LRRC37A3: variants seen among roughly 807,000 people sequenced by gnomAD.
LRRC37A3 encodes the protein leucine rich repeat containing 37 member A3, also known as leucine-rich repeat-containing protein 37A3.
LRRC37A3 carries 25 observed loss-of-function variants against 106.2 expected under a neutral mutation model. The observed-to-expected ratio is 0.24, with a 90% CI of 0.17 to 0.33. The LOEUF (loss-of-function observed/expected upper bound fraction) is 0.33, where lower values mean the gene tolerates loss of function less well. LRRC37A3 is among the 10% of genes least tolerant of loss of function. The pLI, the probability that LRRC37A3 is intolerant of heterozygous loss-of-function variation, is 1.00. For missense variants in LRRC37A3, 712 were observed against 1,644.9 expected (o/e 0.43, Z 9.81); for synonymous variants, 305 against 635.8 (o/e 0.48, Z 7.83).
rs1974765133 is a variant in LRRC37A3, at chr17:64,918,911, C to T, written c.-616-41G>A. On this transcript the variant is annotated intron_variant, in intron 1 of 14. Transcript: ENST00000584306. ...AATTAGCTGGGTGTGGCAGCGAGCACCTGTAGTGACTACACCACTTTGTTG... is the reference window on the plus strand; with the variant it reads ...AATTAGCTGGGTGTGGCAGCGAGCATCTGTAGTGACTACACCACTTTGTTG... 4.4e-6 allele frequency: 3 copies of T among 677,288 alleles called. No individual in the cohort carries two copies. In the South Asian group the frequency reaches 1.2e-4, roughly 28 times the overall value. 42.0% of individuals were successfully genotyped at this position (677,288 alleles called of 1,614,324 possible). A position where few individuals can be genotyped will look rare whatever the true frequency, so the allele number is the denominator to read the frequency against.
At chr17:64,909,804 T>C (rs1598436335) in intron 2 of LRRC37A3, 1 of 152,184 alleles carries the variant, frequency 6.6e-6, no homozygotes, top group Non-Finnish European at 1.5e-5. Context: ...GTGGTCTGCA[T>C]GAATTCTGAA....
At chr17:64,914,582 A>G (rs1449483035) in intron 2 of LRRC37A3, among the ~76,000 whole-genome samples, 1 of 151,872 alleles carries the variant, frequency 6.6e-6, no homozygotes, top group Non-Finnish European at 1.5e-5. Flanking sequence ...AAAAACAAAA[A>G]AACGCATAAA....
intron 2 of LRRC37A3, among the ~76,000 whole-genome samples, chr17:64,910,726 C>A (rs1419994673): frequency 7.1e-6 from 1 of 141,204 alleles, no homozygotes; most frequent in Admixed American, 7.3e-5. Flanking sequence ...CTCCCTGCAA[C>A]CTCCACCTCC....
chr17:64,880,906 C>T (rs1277610687), intron 8 of LRRC37A3, among the ~76,000 whole-genome samples: 1 of 151,774 alleles, frequency 6.6e-6, no homozygotes, highest in Non-Finnish European at 1.5e-5. Flanking sequence ...TCTAACAGCT[C>T]TAGCTGAAAA....
intron 11 of LRRC37A3, among the ~76,000 whole-genome samples, chr17:64,862,387 G>C (rs1185536202): frequency 6.6e-6 from 1 of 151,876 alleles, no homozygotes; most frequent in East Asian, 1.9e-4. Context: ...CATTAGAAGA[G>C]CCAGGTAGCA....
At chr17:64,856,563 A>G (rs1972684751) in intron 13 of LRRC37A3, among the ~76,000 whole-genome samples, 1 of 151,328 alleles carries the variant, frequency 6.6e-6, no homozygotes, top group Admixed American at 6.6e-5. Flanking sequence ...TTCTGTTTGT[A>G]TTTTTATTGT....
intron 8 of LRRC37A3, among the ~76,000 whole-genome samples, chr17:64,875,578 C>T (rs1461920133): frequency 1.3e-5 from 2 of 152,036 alleles, no homozygotes; most frequent in African/African-American, 4.8e-5. Flanking sequence ...CACTTGAGGT[C>T]AAGAGGTTGA....
chr17:64,876,118 C>T (rs1482784452), intron 8 of LRRC37A3, among the ~76,000 whole-genome samples: 1 of 152,190 alleles, frequency 6.6e-6, no homozygotes, highest in Non-Finnish European at 1.5e-5. Context: ...AATCCTCCTT[C>T]CTTGGCCTCC....
At chr17:64,867,951 G>A (rs923663911) in intron 10 of LRRC37A3, among the ~76,000 whole-genome samples, 3 of 152,192 alleles carry the variant, frequency 2.0e-5, no homozygotes, top group Non-Finnish European at 4.4e-5. Context: ...GCATGTGCCT[G>A]TAATCCCAGC....
chr17:64,875,045 T>C (rs903540609), intron 8 of LRRC37A3, among the ~76,000 whole-genome samples: 9 of 151,808 alleles, frequency 5.9e-5, no homozygotes, highest in African/African-American at 2.2e-4. Flanking sequence ...TATTGTCCTA[T>C]GACCCTGCCA....
At chr17:64,899,780 G>A (rs1470177430) in intron 2 of LRRC37A3, 3 of 149,338 alleles carry the variant, frequency 2.0e-5, no homozygotes, top group African/African-American at 5.2e-5. Flanking sequence ...CTGGAGCGGG[G>A]GGAGACTAAC....
chr17:64,865,606 G>T (rs980697081), intron 10 of LRRC37A3, among the ~76,000 whole-genome samples: 1 of 152,134 alleles, frequency 6.6e-6, no homozygotes, highest in Admixed American at 6.5e-5. Context: ...TTCCGTGTGT[G>T]TATGTCTATA....
chr17:64,868,363 T>C (rs1297903268), intron 10 of LRRC37A3, 99 bp downstream of exon 10: 4 of 1,025,344 alleles, frequency 3.9e-6, no homozygotes, highest in African/African-American at 1.6e-5. Flanking sequence ...AATGTTACTA[T>C]ATGAAAATTA....
At chr17:64,866,615 TATATATATATATA>T (rs1286276104) in intron 10 of LRRC37A3, among the ~76,000 whole-genome samples, 92 of 23,998 alleles carry the variant, frequency 3.8e-3, no homozygotes, top group African/African-American at 0.017. Context: ...TATATATATA[TATATATATATATA>T]TTTTTTTTTT....
chr17:64,862,735 T>C (rs1972917972), intron 11 of LRRC37A3, among the ~76,000 whole-genome samples, 165 bp downstream of exon 11: 1 of 152,328 alleles, frequency 6.6e-6, no homozygotes, highest in East Asian at 1.9e-4. Context: ...AGAACCTGAC[T>C]CTCAGCAAGG....
intron 2 of LRRC37A3, among the ~76,000 whole-genome samples, chr17:64,906,481 AAAGTT>A (rs1437607486): frequency 1.3e-5 from 1 of 78,764 alleles, no homozygotes; most frequent in Non-Finnish European, 2.3e-5. Context: ...TAAGAATAGT[AAAGTT>A]AATTCTTTGT....
At chr17:64,913,155 A>G (rs1974627128) in intron 2 of LRRC37A3, among the ~76,000 whole-genome samples, 3 of 151,346 alleles carry the variant, frequency 2.0e-5, no homozygotes, top group Admixed American at 1.3e-4. Flanking sequence ...CAGCCTCCCA[A>G]GTACTTGGGA....
At chr17:64,918,995 C>G (rs1028352777) in intron 1 of LRRC37A3, 125 bp from the exon 2 acceptor site, 2 of 1,219,408 alleles carry the variant, frequency 1.6e-6, no homozygotes, top group African/African-American at 3.1e-5. Context: ...TCCCCCCGGC[C>G]GGGGCGCTGG....
Position 64,860,737 on chromosome 17 carries a change from G to A in LRRC37A3, c.3409C>T (p.Leu1137=). 6.2e-7 allele frequency: 1 copy of A among 1,614,058 alleles called. No individual in the cohort carries two copies. Among genetic ancestry groups the A allele is most frequent in the South Asian group, 1.1e-5 (1 of 91,082 alleles). The part of the protein sequence containing the change: ...FSAVNLDVKS[L]LLPFIKLPTT... ...GGCAGTTTAATGAACGGTAGTAACA[G>A]TGATTTCACATCTAGGTTAACGGCT... The change falls in exon 12 of 15, where the codon CTG becomes TTG. Residue 1137 remains leucine, a synonymous_variant. Coordinates refer to ENST00000584306, the MANE Select transcript of LRRC37A3 (RefSeq NM_199340.5).
Sources: allele counts gnomAD v4.1 joint callset (sites outside exome capture counted in the v4.1 genomes callset), GRCh38; gene constraint gnomAD v4.1.1; transcripts MANE v1.5; gene names NCBI Gene and HGNC (gene_info 2026-07-23, HGNC 2026-07-21).